The following SEMA4C variants were observed in gnomAD, a reference collection of about 807,000 sequenced individuals.
SEMA4C encodes semaphorin 4C.
Under a neutral mutation model 89.0 loss-of-function variants are expected in SEMA4C, and 19 were observed. The ratio of observed to expected loss-of-function variants is 0.21; its 90% CI spans 0.15 to 0.31. The LOEUF (loss-of-function observed/expected upper bound fraction) is 0.31, where lower values mean the gene tolerates loss of function less well. Ranked by LOEUF, SEMA4C falls within the 10% of genes least tolerant of loss-of-function variation. The pLI is 1.00. For synonymous variants in SEMA4C, 428 were observed against 472.7 expected (o/e 0.91, Z 1.23); for missense variants, 811 against 1,107.0 (o/e 0.73, Z 3.79).
chr2:96,868,725 C>T (rs1458992947), intron 1 of SEMA4C: 2 of 952,104 alleles, frequency 2.1e-6, no homozygotes, highest in Non-Finnish European at 1.2e-6. Flanking sequence ...GGGACTCCGG[C>T]GGCGCGCGCA....
rs1283587574 is a variant in SEMA4C at position 96,865,310 on chromosome 2, C to T, written c.528G>A (p.Leu176=). The T allele has an allele frequency of 4.3e-6, 7 of 1,614,206 alleles. No individual in the cohort carries two copies. The highest frequency in any genetic ancestry group is 4.2e-6 in the Non-Finnish European group (5 of 1,180,030). ...GHAGLLVDGE[L]YSATLNNFLG... ...GGAAGTTGTTGAGTGTGGCCGAGTACAGCTCACCATCTATGGGAGACAGAG... is the reference window on the plus strand; with the variant it reads ...GGAAGTTGTTGAGTGTGGCCGAGTATAGCTCACCATCTATGGGAGACAGAG... The change falls in exon 7 of 15, where the codon CTG becomes CTA. Residue 176 remains leucine (L), a synonymous_variant. Transcript: ENST00000305476.
chr2:96,864,658 C>T lies in SEMA4C; in HGVS notation c.962+47G>A, dbSNP rs2080028136. 6.4e-7 allele frequency: 1 copy of T among 1,567,858 alleles called. No homozygotes were observed. Among genetic ancestry groups the T allele is most frequent in the Admixed American group, 1.8e-5 (1 of 56,876 alleles). On this transcript the variant is annotated intron_variant, in intron 9 of 14. Transcript: ENST00000305476. This position sits in a 1 kb window ranked among gnomAD's most constrained non-coding sequence, Gnocchi z 6.3. ...CTCCCACCCATGCACCGTCCCTGAC[C>T]TGAACCCCAGCTCCTCCCCACTCTG...
intron 2 of SEMA4C, chr2:96,866,667 T>C (rs1188142523): frequency 1.5e-6 from 1 of 677,168 alleles, no homozygotes; most frequent in Non-Finnish European, 2.7e-6. Flanking sequence ...AGGAAGGATA[T>C]CTCAGCCACA....
rs541533785 is a variant in SEMA4C, at chr2:96,861,520, C to T, written c.1672+59G>A. 3 of 1,608,626 alleles carry T rather than the reference C, an allele frequency of 1.9e-6. No homozygotes were observed. The highest frequency in any genetic ancestry group is 2.2e-5 in the East Asian group (1 of 44,700). ...AAAGCAGGGCTGGGGAAGAGGAGAA[C>T]AGAAACTCCAGCTCTGGTCCAGGGC... On this transcript the variant is annotated intron_variant, in intron 14 of 14. Transcript: ENST00000305476. This position sits in a 1 kb window ranked among gnomAD's most constrained non-coding sequence, Gnocchi z 7.8.
At position 96,861,480 on chromosome 2, in the gene SEMA4C, G is replaced by A. The variant is rs1301880034; in HGVS notation, c.1673-25C>T. The A allele has an allele frequency of 1.9e-6, 3 of 1,611,148 alleles. No individual in the cohort carries two copies. The highest frequency in any genetic ancestry group is 2.7e-5 in the African/African-American group (2 of 74,906). On this transcript the variant is annotated intron_variant, in intron 14 of 14. Transcript: ENST00000305476. This position sits in a 1 kb window ranked among gnomAD's most constrained non-coding sequence, Gnocchi z 7.8. The stretch of plus-strand genomic sequence containing the variant: ...ACTGTAGTGGCAGAGAAAACAGAGT[G>A]CATGTTAGTGCAGGAAAGCAGGGCT...
chr2:96,860,674 C>T lies in SEMA4C; in HGVS notation c.2454G>A (p.Gln818=), dbSNP rs2079920408. 1 of 1,612,830 alleles carries T rather than the reference C, an allele frequency of 6.2e-7. No homozygotes were observed. The highest frequency in any genetic ancestry group is 1.7e-5 in the Admixed American group (1 of 59,930). Residue 818 remains glutamine (Q), a synonymous_variant, in exon 15 of 15, where the codon CAG becomes CAA. Coordinates refer to ENST00000305476, the MANE Select transcript of SEMA4C (RefSeq NM_017789.5). ...TGGAGTCGGGCAGTGGCTGGCGTTG[C>T]TGCAGTTTGCGTCTCAGTTCATCCG... is the stretch of plus-strand genomic sequence containing the variant. ...ELADELRRKL[Q]QRQPLPDSNP...
Position 96,864,456 on chromosome 2 carries a change from AG to A in SEMA4C, c.963-75del. 6.3e-7 allele frequency: 1 copy of A among 1,587,884 alleles called. No homozygotes were observed. Among genetic ancestry groups the A allele is most frequent in the Non-Finnish European group, 8.6e-7 (1 of 1,169,574 alleles). On this transcript the variant is annotated intron_variant, in intron 9 of 14. Transcript: ENST00000305476. This position sits in a 1 kb window ranked among gnomAD's most constrained non-coding sequence, Gnocchi z 6.3. ...CCCACCCCAGCTAAGGGCAAGCAGC[AG>A]GAAGGCAGGGCCTGGCACAAACTGG...
In SEMA4C at chr2:96,860,361, G is replaced by T. The variant is rs2079912823; in HGVS notation, c.*265C>A. ...ACACACATCTTGAAACTTCTGCCTT[G>T]AAAAGTTTTGGCGGCTGGGGTCCCG... On this transcript the variant is annotated 3_prime_UTR_variant, in exon 15 of 15. Coordinates refer to ENST00000305476, the MANE Select transcript of SEMA4C (RefSeq NM_017789.5). The T allele has an allele frequency of 2.0e-6, 1 of 502,416 alleles. No homozygotes were observed. The highest frequency in any genetic ancestry group is 3.1e-5 in the East Asian group (1 of 31,792). 31.1% of individuals were successfully genotyped at this position (502,416 alleles called of 1,614,324 possible).
At chr2:96,869,349 G>C in intron 1 of SEMA4C, 1 of 985,300 alleles carries the variant, frequency 1.0e-6, no homozygotes, top group South Asian at 4.7e-5. Flanking sequence ...CGCCCACCCC[G>C]AGCGGCCAGC....
At chr2:96,868,013 C>T in intron 1 of SEMA4C, 90 bp from the exon 2 acceptor site, 1 of 1,496,308 alleles carries the variant, frequency 6.7e-7, no homozygotes, top group East Asian at 2.5e-5. Context: ...GACTCCTCAT[C>T]AGGCCTTCCA....
chr2:96,869,640 C>T, intron 1 of SEMA4C: 2 of 985,260 alleles, frequency 2.0e-6, no homozygotes, highest in Non-Finnish European at 2.4e-6. Flanking sequence ...TGGCGCGCCC[C>T]TCCGGCCCCG....
chr2:96,869,597 G>C, intron 1 of SEMA4C: 7 of 985,288 alleles, frequency 7.1e-6, no homozygotes, highest in South Asian at 9.4e-5. Context: ...CGAGGATCCC[G>C]GCCGCGGACC....
chr2:96,869,302 G>A (rs2080154385), intron 1 of SEMA4C: 1 of 985,352 alleles, frequency 1.0e-6, no homozygotes, highest in East Asian at 1.1e-4. Flanking sequence ...GGGTTGGGGG[G>A]AGGGGTGCGG....
chr2:96,860,312 A>G lies in SEMA4C; in HGVS notation c.*314T>C, dbSNP rs1191216073. ...TGCACACACACATACACACACACACAAACACATGTGCAAATACAGACAAAC... is the reference window on the plus strand; with the variant it reads ...TGCACACACACATACACACACACACGAACACATGTGCAAATACAGACAAAC... On this transcript the variant is annotated 3_prime_UTR_variant, in exon 15 of 15. Coordinates refer to ENST00000305476, the MANE Select transcript of SEMA4C (RefSeq NM_017789.5). 1 of 410,992 alleles carries G rather than the reference A, an allele frequency of 2.4e-6. No homozygotes were observed. Among genetic ancestry groups the G allele is most frequent in the Non-Finnish European group, 4.4e-6 (1 of 228,594 alleles). The allele number at this position is 410,992 out of a possible 1,614,324, so 25.5% of individuals were successfully genotyped here.
chr2:96,870,287 G>T, upstream of SEMA4C: 4 of 985,522 alleles, frequency 4.1e-6, no homozygotes, highest in South Asian at 1.9e-4. Flanking sequence ...AGCAGCCCCG[G>T]GGCTCGGAGT....
chr2:96,861,537 G>A lies in SEMA4C; in HGVS notation c.1672+42C>T. On this transcript the variant is annotated intron_variant, in intron 14 of 14. Transcript: ENST00000305476. This position sits in a 1 kb window ranked among gnomAD's most constrained non-coding sequence, Gnocchi z 7.8. ...GAGGAGAACAGAAACTCCAGCTCTG[G>A]TCCAGGGCTCAGCCCGATGCGACGG... The A allele has an allele frequency of 6.2e-7, 1 of 1,606,936 alleles. No homozygotes were observed. The highest frequency in any genetic ancestry group is 1.1e-5 in the South Asian group (1 of 90,822).
upstream of SEMA4C, chr2:96,870,103 C>T: frequency 1.0e-6 from 1 of 965,318 alleles, no homozygotes; most frequent in Non-Finnish European, 1.2e-6. Flanking sequence ...GCTCTCCGCC[C>T]CCTTCCCCTT....
Position 96,866,365 on chromosome 2 carries a change from G to A in SEMA4C, c.176C>T (p.Thr59Met), listed in dbSNP as rs201014435. The change falls in exon 3 of 15, where the codon ACG becomes ATG. Residue 59 changes from threonine to methionine, a missense_variant. By Grantham distance (81) the Thr-to-Met change is moderately conservative. Coordinates refer to ENST00000305476, the MANE Select transcript of SEMA4C (RefSeq NM_017789.5). Reference sequence around the variant, plus strand: ...CACGTACAGAAGCCCAGTGGGCTCCGTCAGCGTCAGTGTCAGGAAGTCCTG... The same window carrying A: ...CACGTACAGAAGCCCAGTGGGCTCCATCAGCGTCAGTGTCAGGAAGTCCTG... ...GIQDFLTLTL[T>M]EPTGLLYVGA... The A allele has an allele frequency of 3.7e-5, 60 of 1,613,934 alleles. No individual in the cohort carries two copies. The East Asian group carries it at 8.5e-4, about 23-fold the overall frequency.
At position 96,866,367 on chromosome 2, in the gene SEMA4C, C is replaced by A; in HGVS notation, c.174G>T (p.Leu58=). The A allele has an allele frequency of 6.2e-7, 1 of 1,613,956 alleles. No individual in the cohort carries two copies. The highest frequency in any genetic ancestry group is 8.5e-7 in the Non-Finnish European group (1 of 1,180,028). ...TGIQDFLTLT[L]TEPTGLLYVG... Reference sequence around the variant, plus strand: ...CGTACAGAAGCCCAGTGGGCTCCGTCAGCGTCAGTGTCAGGAAGTCCTGGA... The same window carrying A: ...CGTACAGAAGCCCAGTGGGCTCCGTAAGCGTCAGTGTCAGGAAGTCCTGGA... The change falls in exon 3 of 15, where the codon CTG becomes CTT. Residue 58 remains leucine (L), a synonymous_variant. Coordinates refer to ENST00000305476, the MANE Select transcript of SEMA4C (RefSeq NM_017789.5).
Sources: gnomAD v4.1 joint callset for allele counts on GRCh38, gnomAD v4.1.1 for gene constraint, Gnocchi (gnomAD v3.1) non-coding constraint, MANE v1.5 for transcripts, NCBI Gene and HGNC (gene_info 2026-07-23, HGNC 2026-07-21) for gene names.